The following EHBP1 variants were observed in gnomAD, a reference collection of about 807,000 sequenced individuals.
EHBP1 encodes the protein EH domain-binding protein 1.
In EHBP1, 55 loss-of-function variants were observed where a neutral mutation model predicts 144.0. The observed-to-expected ratio is 0.38, with a 90% CI of 0.31 to 0.48. EHBP1 has a LOEUF of 0.48. EHBP1 is among the 20% of genes least tolerant of loss of function. The probability of loss-of-function intolerance (pLI) is 0.98; values close to 1 mark genes in which losing one functional copy is unlikely to be tolerated. For missense variants in EHBP1, 1,200 were observed against 1,364.2 expected (o/e 0.88, Z 1.90); for synonymous variants, 469 against 472.7 (o/e 0.99, Z 0.10).
intron 5 of EHBP1, among the ~76,000 whole-genome samples, chr2:62,819,535 C>T (rs1446799022): frequency 6.6e-6 from 1 of 152,076 alleles, no homozygotes; most frequent in Non-Finnish European, 1.5e-5. Flanking sequence ...GCAAGCAGAT[C>T]ACCTGAGGTT....
intron 10 of EHBP1, among the ~76,000 whole-genome samples, chr2:62,891,141 C>T (rs2052428256): frequency 6.7e-6 from 1 of 148,838 alleles, no homozygotes; most frequent in Admixed American, 6.7e-5. Flanking sequence ...CACGCCATTG[C>T]ACTCCAGCCT....
At chr2:62,976,837 C>A (rs2058738666) in intron 14 of EHBP1, among the ~76,000 whole-genome samples, 1 of 151,920 alleles carries the variant, frequency 6.6e-6, no homozygotes. Flanking sequence ...GACTTTCTCT[C>A]CCTCCCTTCT....
intron 5 of EHBP1, among the ~76,000 whole-genome samples, chr2:62,780,842 T>C (rs1287095438): frequency 6.6e-6 from 1 of 152,208 alleles, no homozygotes; most frequent in African/African-American, 2.4e-5. Context: ...AGTACTGTTT[T>C]CATACTATTA....
chr2:62,879,983 A>T (rs1441414774), intron 10 of EHBP1, among the ~76,000 whole-genome samples: 1 of 152,224 alleles, frequency 6.6e-6, no homozygotes, highest in Non-Finnish European at 1.5e-5. Context: ...CTAGAAGGGT[A>T]CAGTAATCAA....
chr2:62,726,926 G>T (rs1157039570), intron 2 of EHBP1, among the ~76,000 whole-genome samples: 1 of 151,696 alleles, frequency 6.6e-6, no homozygotes, highest in Non-Finnish European at 1.5e-5. Context: ...GCAGTGGTGC[G>T]ATCTCGGCTC....
At chr2:62,799,659 T>C in intron 5 of EHBP1, among the ~76,000 whole-genome samples, 1 of 152,190 alleles carries the variant, frequency 6.6e-6, no homozygotes, top group South Asian at 2.1e-4. Context: ...CTGGAAACTA[T>C]GAAGTTGGGG....
chr2:62,830,133 C>CATATAT (rs145432325), intron 6 of EHBP1, among the ~76,000 whole-genome samples: 2 of 132,190 alleles, frequency 1.5e-5, no homozygotes, highest in African/African-American at 2.8e-5. Flanking sequence ...ATATGTGGTG[C>CATATAT]ATATATATAT....
intron 10 of EHBP1, among the ~76,000 whole-genome samples, chr2:62,902,517 G>A (rs776867176): frequency 2.3e-4 from 35 of 151,764 alleles, no homozygotes; most frequent in Non-Finnish European, 1.5e-5. Context: ...GATGTTGCTT[G>A]AAAAAAATAT....
At chr2:62,914,171 T>C (rs889202286) in intron 10 of EHBP1, among the ~76,000 whole-genome samples, 1 of 152,142 alleles carries the variant, frequency 6.6e-6, no homozygotes, top group South Asian at 2.1e-4. Context: ...TCTGAAATTA[T>C]AGAGCTAAAT....
intron 5 of EHBP1, among the ~76,000 whole-genome samples, chr2:62,820,737 AATATATATATATATATATATATATATAT>A (rs57039974): frequency 8.2e-4 from 45 of 54,648 alleles, no homozygotes; most frequent in South Asian, 3.7e-3. Context: ...GTGTGTGTAT[AATATATATATATATATATATATATATAT>A]ATATATATAT....
chr2:62,785,172 G>A (rs1489931332), intron 5 of EHBP1, among the ~76,000 whole-genome samples: 1 of 152,008 alleles, frequency 6.6e-6, no homozygotes, highest in African/African-American at 2.4e-5. Context: ...CTATCCTGAT[G>A]TTTTAGAATG....
rs530167003 is a variant in EHBP1, at chr2:62,895,595, A to T, written c.1185+21063A>T. On this transcript the variant is annotated intron_variant, in intron 10 of 22. Coordinates refer to ENST00000431489, the MANE Select transcript of EHBP1 (RefSeq NM_001142616.3). ...CTTGTATACCAGTGGATACTATTTGATAAAGGAAAAACACATGATCAGATT... is the reference window on the plus strand; with the variant it reads ...CTTGTATACCAGTGGATACTATTTGTTAAAGGAAAAACACATGATCAGATT... Among the ~76,000 whole-genome samples, 8 of 152,292 alleles carry T rather than the reference A, an allele frequency of 5.3e-5. No homozygotes were observed. In the East Asian group the frequency reaches 1.5e-3, roughly 29 times the overall value.
At chr2:62,958,032 A>G (rs547773503) in intron 14 of EHBP1, among the ~76,000 whole-genome samples, 5 of 152,310 alleles carry the variant, frequency 3.3e-5, no homozygotes, top group East Asian at 3.9e-4. Flanking sequence ...GTGAGATACC[A>G]CTATGAGAAT....
rs559654365 is a variant in EHBP1 at position 62,734,971 on chromosome 2, G to A, written c.105-12424G>A. 1.2e-3 allele frequency among the ~76,000 whole-genome samples: 181 copies of A among 152,272 alleles called. 1 individual carries two copies. Among genetic ancestry groups the A allele is most frequent in the African/African-American group, 4.1e-3 (171 of 41,566 alleles). The stretch of plus-strand genomic sequence containing the variant: ...GCTGGAGTGCAGTGGCGCGATCACG[G>A]CACACTGCAGCCTCAACCACCTGGG... On this transcript the variant is annotated intron_variant, in intron 2 of 22. Transcript: ENST00000431489.
At chr2:62,722,458 C>T (rs569347185) in intron 2 of EHBP1, among the ~76,000 whole-genome samples, 2 of 151,900 alleles carry the variant, frequency 1.3e-5, no homozygotes, top group African/African-American at 4.8e-5. Context: ...AACATAACCA[C>T]AGTTTAATTT....
chr2:62,749,740 T>C (rs2152192182), intron 3 of EHBP1, among the ~76,000 whole-genome samples: 1 of 152,336 alleles, frequency 6.6e-6, no homozygotes. Context: ...CCAGTGATGA[T>C]GAGCATTTTT....
chr2:62,976,428 A>G (rs1574320838), intron 14 of EHBP1, among the ~76,000 whole-genome samples: 1 of 152,316 alleles, frequency 6.6e-6, no homozygotes, highest in East Asian at 1.9e-4. Context: ...GCAACAGACT[A>G]TTTAATGTGG....
At chr2:62,751,838 T>C (rs1187235903) in intron 3 of EHBP1, among the ~76,000 whole-genome samples, 1 of 152,186 alleles carries the variant, frequency 6.6e-6, no homozygotes, top group Non-Finnish European at 1.5e-5. Flanking sequence ...ATATCCCCTT[T>C]ATCATTTGTA....
At chr2:62,999,618 T>C (rs1467141131) in intron 19 of EHBP1, among the ~76,000 whole-genome samples, 4 of 152,248 alleles carry the variant, frequency 2.6e-5, no homozygotes, top group Non-Finnish European at 4.4e-5. Flanking sequence ...TCACTTAACA[T>C]ATCTTCAAGG....
Sources: allele counts gnomAD v4.1 joint callset (sites outside exome capture counted in the v4.1 genomes callset), GRCh38; gene constraint gnomAD v4.1.1; transcripts MANE v1.5; gene names NCBI Gene and HGNC (gene_info 2026-07-23, HGNC 2026-07-21).